The following PLXNA2 variants were observed in gnomAD, a reference collection of about 807,000 sequenced individuals.
PLXNA2 encodes plexin A2, also known as plexin-A2.
Under a neutral mutation model 193.5 loss-of-function variants are expected in PLXNA2, and 91 were observed. That is an observed-to-expected ratio of 0.47 (90% confidence interval 0.40 to 0.56). The LOEUF (loss-of-function observed/expected upper bound fraction) is 0.56. PLXNA2 is among the 20% of genes least tolerant of loss of function. The pLI is 0.00. For synonymous variants in PLXNA2, 997 were observed against 1,027.3 expected, an observed-to-expected ratio of 0.97 and a Z score of 0.56; for missense variants, 1,995 against 2,503.2, an observed-to-expected ratio of 0.80 and a Z score of 4.33.
intron 3 of PLXNA2, among the ~76,000 whole-genome samples, chr1:208,208,813 C>G (rs1670829052): frequency 6.6e-6 from 1 of 152,178 alleles, no homozygotes; most frequent in Admixed American, 6.5e-5. Context: ...AGGGAGAGCT[C>G]AGGCTGGATT....
intron 1 of PLXNA2, among the ~76,000 whole-genome samples, chr1:208,223,964 T>C (rs372513891): frequency 2.4e-4 from 37 of 152,282 alleles, no homozygotes; most frequent in Non-Finnish European, 5.1e-4. Flanking sequence ...TCTGTGAGAA[T>C]AAAATTGTCT....
chr1:208,150,447 G>T (rs569302786), intron 3 of PLXNA2, among the ~76,000 whole-genome samples: 38 of 152,262 alleles, frequency 2.5e-4, no homozygotes, highest in African/African-American at 7.9e-4. Flanking sequence ...GTAGGGAGGA[G>T]TCCCCAGAGG....
chr1:208,214,926 T>C (rs1671076709), intron 2 of PLXNA2, among the ~76,000 whole-genome samples: 1 of 152,176 alleles, frequency 6.6e-6, no homozygotes, highest in African/African-American at 2.4e-5. Flanking sequence ...CACTACATTA[T>C]GTTGCCAGCT....
intron 12 of PLXNA2, among the ~76,000 whole-genome samples, chr1:208,064,347 C>T (rs1044098313): frequency 2.6e-5 from 4 of 152,346 alleles, no homozygotes; most frequent in Non-Finnish European, 5.9e-5. Context: ...CCTTCCATGG[C>T]TCTGACCATT....
chr1:208,237,233 G>C (rs867226365), intron 1 of PLXNA2, among the ~76,000 whole-genome samples: 1 of 152,232 alleles, frequency 6.6e-6, no homozygotes, highest in African/African-American at 2.4e-5. Flanking sequence ...GCACATGGCA[G>C]AGGCAGCCCG....
At chr1:208,072,335 G>A (rs142191206) in intron 12 of PLXNA2, among the ~76,000 whole-genome samples, 58 of 152,284 alleles carry the variant, frequency 3.8e-4, no homozygotes, top group African/African-American at 1.4e-3. Context: ...TGGCCTTATG[G>A]TGCAATGTGC....
intron 3 of PLXNA2, among the ~76,000 whole-genome samples, chr1:208,166,585 C>A (rs1172636616): frequency 6.6e-6 from 1 of 152,126 alleles, no homozygotes; most frequent in African/African-American, 2.4e-5. Context: ...ATGACAAATG[C>A]ACATGGAGCA....
rs746210146 is a variant in PLXNA2, at chr1:208,051,294, A to T, written c.3123T>A (p.Pro1041=). The T allele has an allele frequency of 1.2e-6, 2 of 1,613,064 alleles. No homozygotes were observed. The highest frequency in any genetic ancestry group is 2.2e-5 in the South Asian group (2 of 90,864). The change falls in exon 16 of 32, where the codon CCT becomes CCA. Residue 1041 remains proline, a synonymous_variant. Transcript: ENST00000367033. ...ACTCTGGCTCGATGCGCTGGACCCG[A>T]GGGTCATCTATGTACTCAAACTGCA... ...SNLQFEYIDD[P]RVQRIEPEWS...
chr1:208,154,733 C>T (rs147198135), intron 3 of PLXNA2, among the ~76,000 whole-genome samples: 32 of 152,310 alleles, frequency 2.1e-4, no homozygotes, highest in Non-Finnish European at 2.6e-4. Flanking sequence ...TCTTCCCTTC[C>T]AATAGACATT....
chr1:208,127,521 A>T lies in PLXNA2; in HGVS notation c.1506+14808T>A, dbSNP rs150672145. ...CCCAACAGCCACCCTCCACTTCCCG[A>T]GGTGCACACCTCAGTCCAATTGGCT... is the stretch of plus-strand genomic sequence containing the variant. On this transcript the variant is annotated intron_variant, in intron 4 of 31. Transcript: ENST00000367033. Among the ~76,000 whole-genome samples, 370 of 152,290 alleles carry T rather than the reference A, an allele frequency of 2.4e-3. 2 individuals carry two copies. The highest frequency in any genetic ancestry group is 7.5e-3 in the Admixed American group (114 of 15,298).
chr1:208,156,399 T>C (rs949746381), intron 3 of PLXNA2, among the ~76,000 whole-genome samples: 2 of 152,132 alleles, frequency 1.3e-5, no homozygotes, highest in Non-Finnish European at 2.9e-5. Flanking sequence ...ATGCTACGAA[T>C]TGGACATGAC....
chr1:208,094,999 C>T (rs576155650), intron 8 of PLXNA2, among the ~76,000 whole-genome samples: 4 of 152,184 alleles, frequency 2.6e-5, no homozygotes, highest in Non-Finnish European at 5.9e-5. Flanking sequence ...AGACTGGATA[C>T]CCCTGAAGAC....
intron 3 of PLXNA2, among the ~76,000 whole-genome samples, chr1:208,165,653 T>G (rs1015885025): frequency 2.6e-5 from 4 of 152,174 alleles, no homozygotes; most frequent in African/African-American, 9.7e-5. Flanking sequence ...TACCCCTATG[T>G]GGTCTGGGGC....
At chr1:208,101,516 C>T (rs1390896637) in intron 5 of PLXNA2, among the ~76,000 whole-genome samples, 2 of 152,178 alleles carry the variant, frequency 1.3e-5, no homozygotes. Context: ...AGGGAGGATT[C>T]TCTAAAGAGT....
At chr1:208,111,147 C>A (rs1330476520) in intron 4 of PLXNA2, among the ~76,000 whole-genome samples, 2 of 152,124 alleles carry the variant, frequency 1.3e-5, no homozygotes, top group African/African-American at 4.8e-5. Flanking sequence ...ACCTCCCGGG[C>A]TCAACGGATT....
At chr1:208,107,297 C>T (rs1346243206) in intron 4 of PLXNA2, among the ~76,000 whole-genome samples, 1 of 152,184 alleles carries the variant, frequency 6.6e-6, no homozygotes, top group Non-Finnish European at 1.5e-5. Context: ...ATAGATGACT[C>T]CAGCTCTCCG....
chr1:208,169,181 G>C (rs71635175), intron 3 of PLXNA2, among the ~76,000 whole-genome samples: 1 of 152,168 alleles, frequency 6.6e-6, no homozygotes, highest in African/African-American at 2.4e-5. Flanking sequence ...GTGTGCCCCA[G>C]AGAGAGCTCA....
rs1480981841 is a variant in PLXNA2, at chr1:208,166,160, G to A, written c.1372-23697C>T. 2.6e-5 allele frequency among the ~76,000 whole-genome samples: 4 copies of A among 152,206 alleles called. No individual in the cohort carries two copies. The South Asian group carries it at 8.3e-4, about 32-fold the overall frequency. ...AGAAAGGAATCAACCACAATAGTGA[G>A]ATTTTGAAAAAGGGAAAAAAATCTC... On this transcript the variant is annotated intron_variant, in intron 3 of 31. Coordinates refer to ENST00000367033, the MANE Select transcript of PLXNA2 (RefSeq NM_025179.4).
chr1:208,192,394 T>C (rs1670210624), intron 3 of PLXNA2, among the ~76,000 whole-genome samples: 1 of 152,004 alleles, frequency 6.6e-6, no homozygotes, highest in African/African-American at 2.4e-5. Flanking sequence ...CCAGGGTACA[T>C]AACATGTGAT....
Sources: gnomAD v4.1 joint callset for allele counts (sites outside exome capture counted in the v4.1 genomes callset) on GRCh38, gnomAD v4.1.1 for gene constraint, MANE v1.5 for transcripts, NCBI Gene and HGNC (gene_info 2026-07-23, HGNC 2026-07-21) for gene names.